The following CSMD3 variants were observed in gnomAD, a reference collection of about 807,000 sequenced individuals.
The protein encoded by CSMD3 is CUB and sushi domain-containing protein 3.
Under a neutral mutation model 435.2 loss-of-function variants are expected in CSMD3, and 177 were observed. The ratio of observed to expected loss-of-function variants is 0.41; its 90% CI spans 0.36 to 0.46. The LOEUF (loss-of-function observed/expected upper bound fraction) is 0.46. Ranked by LOEUF, CSMD3 falls within the 20% of genes least tolerant of loss-of-function variation. The probability of loss-of-function intolerance (pLI) is 0.34; values close to 1 mark genes in which losing one functional copy is unlikely to be tolerated. For missense variants in CSMD3, 4,265 were observed against 4,504.6 expected (o/e 0.95, Z 1.52); for synonymous variants, 1,656 against 1,520.5 (o/e 1.09, Z -2.07).
intron 1 of CSMD3, among the ~76,000 whole-genome samples, chr8:113,334,077 C>CA (rs1369675609): frequency 1.3e-5 from 2 of 151,794 alleles, no homozygotes; most frequent in Non-Finnish European, 2.9e-5. Flanking sequence ...TGCTACTATA[C>CA]AAAAATTACG....
intron 5 of CSMD3, among the ~76,000 whole-genome samples, chr8:113,092,885 T>A (rs1406378546): frequency 6.6e-6 from 1 of 152,128 alleles, no homozygotes; most frequent in Non-Finnish European, 1.5e-5. Flanking sequence ...TTTAGCCTCT[T>A]GGTTTTTGTT....
At chr8:113,308,014 T>G (rs573025630) in intron 2 of CSMD3, among the ~76,000 whole-genome samples, 1 of 152,272 alleles carries the variant, frequency 6.6e-6, no homozygotes, top group East Asian at 1.9e-4. Context: ...ATTTTACCCA[T>G]GGCTATAGAG....
intron 27 of CSMD3, among the ~76,000 whole-genome samples, chr8:112,545,499 AAAAATAATAAT>A (rs1177446692): frequency 1.4e-5 from 2 of 141,122 alleles, no homozygotes; most frequent in African/African-American, 5.4e-5. Context: ...AAAAAAAAAA[AAAAATAATAAT>A]AATAATAATA....
chr8:112,433,088 TA>T (rs1813889797), intron 32 of CSMD3, among the ~76,000 whole-genome samples: 2 of 152,176 alleles, frequency 1.3e-5, no homozygotes, highest in African/African-American at 4.8e-5. Context: ...TGACTTCAAT[TA>T]AATTATAATT....
intron 27 of CSMD3, among the ~76,000 whole-genome samples, chr8:112,540,718 G>A (rs1826586475): frequency 6.6e-6 from 1 of 151,958 alleles, no homozygotes; most frequent in African/African-American, 2.4e-5. Context: ...ATATATGGGG[G>A]CTAACAAAAA....
intron 13 of CSMD3, among the ~76,000 whole-genome samples, chr8:112,777,126 G>A (rs2078266145): frequency 6.6e-6 from 1 of 151,642 alleles, no homozygotes; most frequent in Non-Finnish European, 1.5e-5. Flanking sequence ...TGAAAGACAA[G>A]CAAAAATAAT....
chr8:113,406,542 G>A (rs1464842843), intron 1 of CSMD3, among the ~76,000 whole-genome samples: 1 of 151,976 alleles, frequency 6.6e-6, no homozygotes, highest in Non-Finnish European at 1.5e-5. Flanking sequence ...GTAAAGCAAT[G>A]TGGGTTGTAG....
intron 5 of CSMD3, among the ~76,000 whole-genome samples, chr8:113,060,607 T>G (rs2088570962): frequency 1.3e-5 from 2 of 152,154 alleles, no homozygotes; most frequent in African/African-American, 2.4e-5. Flanking sequence ...ATTTAAAATT[T>G]TTGCTTTTAA....
At chr8:113,153,088 G>GAAAGAAAGAAAGA (rs370955390) in intron 4 of CSMD3, among the ~76,000 whole-genome samples, 8,779 of 86,634 alleles carry the variant, frequency 0.1, 588 homozygotes, top group African/African-American at 0.24. Context: ...AAGAAAGAAA[G>GAAAGAAAGAAAGA]AAAGAAAGAA....
chr8:113,221,687 C>T (rs1023522576), intron 3 of CSMD3, among the ~76,000 whole-genome samples: 8 of 151,200 alleles, frequency 5.3e-5, no homozygotes, highest in South Asian at 2.1e-4. Flanking sequence ...GCCTTTACAC[C>T]TGCTCTCTCT....
chr8:112,553,278 A>C (rs1023100558), intron 25 of CSMD3, among the ~76,000 whole-genome samples: 16 of 152,004 alleles, frequency 1.1e-4, no homozygotes, highest in Admixed American at 5.9e-4. Flanking sequence ...TTTTGATTTA[A>C]TGTGGTCTCT....
intron 3 of CSMD3, among the ~76,000 whole-genome samples, chr8:113,274,817 T>TACAC (rs57828038): frequency 0.021 from 2,787 of 132,778 alleles, 85 homozygotes; most frequent in African/African-American, 0.071. Flanking sequence ...CACATTCAGC[T>TACAC]ACACACACAC....
rs557502373 is a variant in CSMD3 at position 113,110,471 on chromosome 8, C to T, written c.710-11508G>A. Among the ~76,000 whole-genome samples the T allele has an allele frequency of 5.3e-5, 8 of 152,244 alleles. No individual in the cohort carries two copies. The South Asian group carries it at 1.4e-3, about 28-fold the overall frequency. ...GAACAATATGCAGCCAAGGTATTTG[C>T]CACTTTATAACAAGGATCACCTTTT... On this transcript the variant is annotated intron_variant, in intron 4 of 70. Coordinates refer to ENST00000297405, the MANE Select transcript of CSMD3 (RefSeq NM_198123.2).
chr8:112,993,237 CAG>C (rs2085521070), intron 6 of CSMD3, among the ~76,000 whole-genome samples: 2 of 151,786 alleles, frequency 1.3e-5, no homozygotes, highest in Admixed American at 1.3e-4. Context: ...CTGAAAGAAA[CAG>C]ATGCTGTGAG....
In CSMD3 at chr8:112,224,840, G is replaced by A. The variant is rs760587971; in HGVS notation, c.11055C>T (p.Asn3685=). Residue 3685 remains asparagine, a synonymous_variant, in exon 71 of 71, where the codon AAC becomes AAT. Transcript: ENST00000297405. ...CCGCCTTCCCTTCCACTGACTTTGC[G>A]TTGGTGTCATACATGGGATTTTCAA... ...AAFENPMYDT[N]AKSVEGKAVR... 8.1e-6 allele frequency: 13 copies of A among 1,613,900 alleles called. No homozygotes were observed. The East Asian group carries it at 8.9e-5, about 11-fold the overall frequency.
At position 112,314,503 on chromosome 8, in the gene CSMD3, T is replaced by C. The variant is rs1363910852; in HGVS notation, c.7475A>G (p.Lys2492Arg). The C allele has an allele frequency of 3.1e-6, 5 of 1,611,422 alleles. No individual in the cohort carries two copies. The highest frequency in any genetic ancestry group is 4.2e-6 in the Non-Finnish European group (5 of 1,177,710). ...QMCAWSISVE[K>R]GYNITMFVEF... ...TACAAACATGGTGATATTATAACCCTTTTCCACTGAAATGCTCCATGCACA... is the reference window on the plus strand; with the variant it reads ...TACAAACATGGTGATATTATAACCCCTTTCCACTGAAATGCTCCATGCACA... The change falls in exon 48 of 71, where the codon AAG becomes AGG. Residue 2492 changes from lysine to arginine, a missense_variant. By Grantham distance (26) the Lys-to-Arg change is conservative. Transcript: ENST00000297405.
At chr8:112,756,665 T>C (rs909417584) in intron 13 of CSMD3, among the ~76,000 whole-genome samples, 3 of 152,196 alleles carry the variant, frequency 2.0e-5, no homozygotes, top group African/African-American at 4.8e-5. Flanking sequence ...TGTTCTGAGT[T>C]GTACATGTAC....
intron 28 of CSMD3, among the ~76,000 whole-genome samples, chr8:112,509,086 CT>C (rs758083076): frequency 0.018 from 2,429 of 132,372 alleles, 37 homozygotes; most frequent in African/African-American, 0.05. Context: ...GATTAGATGT[CT>C]TTTTTTTTTT....
intron 9 of CSMD3, among the ~76,000 whole-genome samples, chr8:112,940,564 A>C (rs1447628768): frequency 6.6e-6 from 1 of 151,802 alleles, no homozygotes; most frequent in Admixed American, 6.6e-5. Flanking sequence ...TGCCAACTTT[A>C]TATCTCTTTG....
Sources: gnomAD v4.1 joint callset for allele counts (sites outside exome capture counted in the v4.1 genomes callset) on GRCh38, gnomAD v4.1.1 for gene constraint, MANE v1.5 for transcripts, NCBI Gene and HGNC (gene_info 2026-07-23, HGNC 2026-07-21) for gene names.